Variants in SETD7 observed in about 807,000 individuals in gnomAD.
SETD7 encodes SET domain containing 7, histone lysine methyltransferase.
Under a neutral mutation model 41.8 loss-of-function variants are expected in SETD7, and 16 were observed. That is an observed-to-expected ratio of 0.38 (90% CI 0.26 to 0.58). The LOEUF (loss-of-function observed/expected upper bound fraction) is 0.58. Ranked by LOEUF, SETD7 falls within the 20% of genes least tolerant of loss-of-function variation. SETD7 has a pLI of 0.64. For synonymous variants in SETD7, 163 were observed against 169.7 expected, an observed-to-expected ratio of 0.96 and a Z score of 0.31; for missense variants, 346 against 459.7, an observed-to-expected ratio of 0.75 and a Z score of 2.26.
chr4:139,521,405 G>T (rs982166977), intron 5 of SETD7, among the ~76,000 whole-genome samples: 1 of 146,834 alleles, frequency 6.8e-6, no homozygotes, highest in Non-Finnish European at 1.5e-5. Context: ...CAGTCTGGAC[G>T]ACAAGAGCAA....
chr4:139,502,698 C>A (rs1323871862), downstream of SETD7, among the ~76,000 whole-genome samples: 1 of 152,198 alleles, frequency 6.6e-6, no homozygotes, highest in African/African-American at 2.4e-5. Flanking sequence ...ACAACCCTCC[C>A]TCTGCCACAG....
Position 139,509,611 on chromosome 4 carries a change from A to G in SETD7, c.*2052T>C. On this transcript the variant is annotated 3_prime_UTR_variant, in exon 8 of 8. Coordinates refer to ENST00000274031, the MANE Select transcript of SETD7 (RefSeq NM_030648.4). ...TGACCGTATTCCCTGACCTGGCTGC[A>G]CAACCCACTTGATCGAGGTTAATGC... 3.9e-6 allele frequency: 3 copies of G among 762,442 alleles called. No homozygotes were observed. The South Asian group carries it at 1.8e-4, about 45-fold the overall frequency. 47.2% of individuals were successfully genotyped at this position (762,442 alleles called of 1,614,324 possible). A position where few individuals can be genotyped will look rare whatever the true frequency, so the allele number is the denominator to read the frequency against.
intron 7 of SETD7, among the ~76,000 whole-genome samples, chr4:139,517,505 G>C (rs1242673887): frequency 6.9e-6 from 1 of 145,086 alleles, no homozygotes; most frequent in African/African-American, 2.6e-5. Flanking sequence ...AAAAAAAAGG[G>C]CTCCTTCATC....
chr4:139,533,892 G>C (rs17050806), intron 2 of SETD7, among the ~76,000 whole-genome samples: 2,446 of 152,238 alleles, frequency 0.016, 58 homozygotes, highest in East Asian at 0.068. Context: ...GCCGTAATTG[G>C]TATCCAGTCA....
downstream of SETD7, among the ~76,000 whole-genome samples, chr4:139,505,316 C>T (rs1032200011): frequency 3.3e-5 from 5 of 152,124 alleles, no homozygotes; most frequent in African/African-American, 7.2e-5. Context: ...TGGCTGGGCA[C>T]GGTGACTCAT....
At chr4:139,496,365 G>A (rs939807662) in exon 8 of SETD7, 66 of 701,680 alleles carry the variant, frequency 9.4e-5, no homozygotes, top group Admixed American at 3.8e-4. Flanking sequence ...AATTACTCAC[G>A]AACATCATTA....
At chr4:139,546,798 G>C (rs1202448903) in intron 2 of SETD7, 122 bp downstream of exon 2, 18 of 1,365,632 alleles carry the variant, frequency 1.3e-5, no homozygotes, top group Non-Finnish European at 1.6e-5. Flanking sequence ...ACAGGTAGGG[G>C]TTAATTTTAC....
In SETD7 at chr4:139,536,761, T is replaced by TG. The variant is rs564550126; in HGVS notation, c.171-3396dup. The stretch of plus-strand genomic sequence containing the variant: ...GCTCATGCCTGTAATCCCAGCCCTT[T>TG]GGAGGCCGAGGCAGGAGGATCACCT... On this transcript the variant is annotated intron_variant, in intron 2 of 7. Transcript: ENST00000274031. Among the ~76,000 whole-genome samples the TG allele has an allele frequency of 1.2e-3, 182 of 147,318 alleles. 2 individuals carry two copies. In the East Asian group the frequency reaches 0.035, roughly 28 times the overall value.
In SETD7 at chr4:139,509,592, T is replaced by C. The variant is rs2592969; in HGVS notation, c.*2071A>G. On this transcript the variant is annotated 3_prime_UTR_variant, in exon 8 of 8. Transcript: ENST00000274031. ...ACCAGCACTATCCTCTCCCTGACCGTATTCCCTGACCTGGCTGCACAACCC... is the reference window on the plus strand; with the variant it reads ...ACCAGCACTATCCTCTCCCTGACCGCATTCCCTGACCTGGCTGCACAACCC... The C allele has an allele frequency of 0.99, 481,286 of 484,346 alleles. 239,209 individuals carry two copies. The highest frequency in any genetic ancestry group is 1 in the East Asian group (6,618 of 6,618). The allele number at this position is 484,346 out of a possible 1,614,324, so 30.0% of individuals were successfully genotyped here.
At chr4:139,520,473 A>T in intron 5 of SETD7, 79 bp from the exon 6 acceptor site, 1 of 723,952 alleles carries the variant, frequency 1.4e-6, no homozygotes, top group Non-Finnish European at 2.2e-6. Flanking sequence ...AAATATCATT[A>T]AGGCTACTGA....
intron 4 of SETD7, among the ~76,000 whole-genome samples, chr4:139,524,618 C>T (rs1321240557): frequency 1.3e-5 from 2 of 152,280 alleles, no homozygotes; most frequent in East Asian, 3.9e-4. Flanking sequence ...CCTGCTTTGT[C>T]CCCAGCCAGC....
At chr4:139,512,459 T>A (rs1231962693) in intron 7 of SETD7, among the ~76,000 whole-genome samples, 2 of 152,160 alleles carry the variant, frequency 1.3e-5, no homozygotes, top group Non-Finnish European at 2.9e-5. Flanking sequence ...ATTTAGTATT[T>A]CCCTGTGAAG....
In SETD7 at chr4:139,500,471, G is replaced by A. The variant is rs141637145; in HGVS notation, c.921-3950C>T. On this transcript the variant is annotated intron_variant, in intron 7 of 7. Coordinates refer to the SETD7 transcript ENST00000506866. ...AATTTCAAAAGCATTTTCAGAAACTGTAGTAAACTAAGTTTAAGAAAGCTG... is the reference window on the plus strand; with the variant it reads ...AATTTCAAAAGCATTTTCAGAAACTATAGTAAACTAAGTTTAAGAAAGCTG... 2.9e-3 allele frequency among the ~76,000 whole-genome samples: 449 copies of A among 152,330 alleles called. 3 individuals are homozygous for A. The highest frequency in any genetic ancestry group is 0.011 in the African/African-American group (437 of 41,582).
At position 139,500,595 on chromosome 4, in the gene SETD7, G is replaced by A. The variant is rs562650374; in HGVS notation, c.921-4074C>T. On this transcript the variant is annotated intron_variant, in intron 7 of 7. Transcript: ENST00000506866. ...GCCACCTTGGCTCACTGCAACCTCCGCCTCCCAGTTTCAAGCGATTCTCCT... is the reference window on the plus strand; with the variant it reads ...GCCACCTTGGCTCACTGCAACCTCCACCTCCCAGTTTCAAGCGATTCTCCT... Among the ~76,000 whole-genome samples, 9 of 152,170 alleles carry A rather than the reference G, an allele frequency of 5.9e-5. No homozygotes were observed. In the South Asian group the frequency reaches 1.0e-3, roughly 18 times the overall value.
intron 2 of SETD7, chr4:139,546,675 T>C: frequency 4.0e-6 from 2 of 506,308 alleles, no homozygotes; most frequent in African/African-American, 1.9e-5. Context: ...GGCCCCCAAA[T>C]CTGGTATCTT....
intron 3 of SETD7, among the ~76,000 whole-genome samples, chr4:139,530,066 T>C (rs1476197445): frequency 3.3e-5 from 5 of 152,176 alleles, no homozygotes; most frequent in Non-Finnish European, 5.9e-5. Context: ...AGGGACACAG[T>C]AGGTGATTCT....
intron 7 of SETD7, among the ~76,000 whole-genome samples, chr4:139,514,173 T>C (rs1276174623): frequency 6.6e-6 from 1 of 152,036 alleles, no homozygotes; most frequent in Non-Finnish European, 1.5e-5. Context: ...TGGTACCAGC[T>C]ACTTGGGAGG....
rs1212178031 is a variant in SETD7 at position 139,511,577 on chromosome 4, A to G, written c.*86T>C. On this transcript the variant is annotated 3_prime_UTR_variant, in exon 8 of 8. Coordinates refer to ENST00000274031, the MANE Select transcript of SETD7 (RefSeq NM_030648.4). Reference sequence around the variant, plus strand: ...GAGGATGTGACGTCACAGCATGAGCAGTCCCTGGTTGTCCCATTGTCAGAT... The same window carrying G: ...GAGGATGTGACGTCACAGCATGAGCGGTCCCTGGTTGTCCCATTGTCAGAT... The G allele has an allele frequency of 3.1e-6, 5 of 1,589,016 alleles. No homozygotes were observed. Among genetic ancestry groups the G allele is most frequent in the Non-Finnish European group, 4.3e-6 (5 of 1,174,216 alleles).
chr4:139,547,232 C>G (rs1335920717), intron 1 of SETD7, among the ~76,000 whole-genome samples, 183 bp from the exon 2 acceptor site: 2 of 152,222 alleles, frequency 1.3e-5, no homozygotes, highest in Non-Finnish European at 1.5e-5. Flanking sequence ...TCGGCACCAG[C>G]AGTACCAAAT....
Sources: allele counts gnomAD v4.1 joint callset (sites outside exome capture counted in the v4.1 genomes callset), GRCh38; gene constraint gnomAD v4.1.1; transcripts MANE v1.5; gene names NCBI Gene and HGNC (gene_info 2026-07-23, HGNC 2026-07-21).